The following WWOX variants were observed in gnomAD, a reference collection of about 807,000 sequenced individuals.
The protein encoded by WWOX is WW domain containing oxidoreductase.
A neutral mutation model predicts 46.2 loss-of-function variants in WWOX; 69 were observed. The ratio of observed to expected loss-of-function variants is 1.49; its 90% CI spans 1.23 to 1.82. The LOEUF is 1.82. WWOX is among the 40% of genes most tolerant of loss of function. The pLI is 0.00. For missense variants in WWOX, 919 were observed against 542.6 expected, an observed-to-expected ratio of 1.69 and a Z score of -6.89; for synonymous variants, 359 against 202.6, an observed-to-expected ratio of 1.77 and a Z score of -6.56.
chr16:78,633,523 G>A (rs556650111), intron 8 of WWOX, among the ~76,000 whole-genome samples: 4 of 152,308 alleles, frequency 2.6e-5, no homozygotes, highest in South Asian at 4.1e-4. Context: ...TCTAGCTAAC[G>A]CATGGCAACG....
chr16:78,466,668 A>G (rs2738668), intron 8 of WWOX, among the ~76,000 whole-genome samples: 48,073 of 151,848 alleles, frequency 0.32, 9,720 homozygotes, highest in African/African-American at 0.58. Context: ...TGTCTCTACT[A>G]TAAACTCCGT....
intron 5 of WWOX, among the ~76,000 whole-genome samples, chr16:78,241,013 G>T (rs754236623): frequency 6.6e-6 from 1 of 152,158 alleles, no homozygotes; most frequent in Admixed American, 6.5e-5. Flanking sequence ...CAGTGGGCAT[G>T]TTCCTCACCT....
Position 78,945,869 on chromosome 16 carries a change from C to G in WWOX, c.1057-265739C>G, listed in dbSNP as rs75692576. ...CATCTCGTAGTCACTGGATAAGGAG[C>G]CAGTCCTGGCTCTTCCTTTAACTGC... On this transcript the variant is annotated intron_variant, in intron 8 of 8. Transcript: ENST00000566780. 4.9e-3 allele frequency among the ~76,000 whole-genome samples: 739 copies of G among 152,200 alleles called. 5 individuals are homozygous for G. The highest frequency in any genetic ancestry group is 0.017 in the African/African-American group (692 of 41,536).
chr16:78,427,533 C>T (rs370706937), intron 7 of WWOX, among the ~76,000 whole-genome samples: 5 of 150,712 alleles, frequency 3.3e-5, no homozygotes, highest in South Asian at 2.1e-4. Context: ...CACACATACA[C>T]GCACGCACGC....
At chr16:78,956,849 A>G (rs990829204) in intron 8 of WWOX, among the ~76,000 whole-genome samples, 1 of 152,170 alleles carries the variant, frequency 6.6e-6, no homozygotes, top group Non-Finnish European at 1.5e-5. Context: ...GGAAATTGTG[A>G]AGGAGAGTGT....
chr16:78,775,605 C>G (rs1228017368), intron 8 of WWOX, among the ~76,000 whole-genome samples: 2 of 152,146 alleles, frequency 1.3e-5, no homozygotes, highest in African/African-American at 4.8e-5. Context: ...CCACCTCTCC[C>G]CACAACTTCA....
chr16:78,126,809 G>A lies in WWOX; in HGVS notation c.409+11655G>A, dbSNP rs184217518. Among the ~76,000 whole-genome samples, 309 of 152,270 alleles carry A rather than the reference G, an allele frequency of 2.0e-3. 4 individuals carry two copies. The highest frequency in any genetic ancestry group is 7.0e-3 in the African/African-American group (291 of 41,546). ...GGAATACCCCAAAAAACTTAAACTT[G>A]TCTGGCTTTGCAATGGTGGTGGAGT... On this transcript the variant is annotated intron_variant, in intron 4 of 8. Transcript: ENST00000566780.
chr16:78,847,215 A>T (rs1368009698), intron 8 of WWOX, among the ~76,000 whole-genome samples: 1 of 152,208 alleles, frequency 6.6e-6, no homozygotes, highest in South Asian at 2.1e-4. Context: ...AGTTGCGCTC[A>T]TTACTGCTGG....
At chr16:78,283,173 G>A (rs2079709521) in intron 5 of WWOX, among the ~76,000 whole-genome samples, 1 of 151,924 alleles carries the variant, frequency 6.6e-6, no homozygotes, top group African/African-American at 2.4e-5. Flanking sequence ...GGAGAATCTG[G>A]GTTGAGGAGG....
At chr16:78,712,014 C>CG (rs1567508486) in intron 8 of WWOX, among the ~76,000 whole-genome samples, 1 of 152,164 alleles carries the variant, frequency 6.6e-6, no homozygotes, top group Non-Finnish European at 1.5e-5. Context: ...GAAGCCCCAA[C>CG]GTCCTCCCAA....
chr16:79,068,679 T>C (rs1405014441), intron 8 of WWOX, among the ~76,000 whole-genome samples: 1 of 150,280 alleles, frequency 6.7e-6, no homozygotes, highest in Non-Finnish European at 1.5e-5. Context: ...GGCGTGGGGG[T>C]GCATGCCTGT....
chr16:78,147,030 G>C (rs1361839946), intron 4 of WWOX, among the ~76,000 whole-genome samples: 1 of 152,066 alleles, frequency 6.6e-6, no homozygotes, highest in African/African-American at 2.4e-5. Context: ...TTTTTTTAAA[G>C]ACCAAAACAA....
At chr16:78,848,993 A>G (rs1414738705) in intron 8 of WWOX, among the ~76,000 whole-genome samples, 2 of 152,190 alleles carry the variant, frequency 1.3e-5, no homozygotes, top group African/African-American at 2.4e-5. Context: ...GATGACTCGC[A>G]AAGACATAGT....
chr16:78,786,513 G>C (rs969412872), intron 8 of WWOX, among the ~76,000 whole-genome samples: 3 of 152,144 alleles, frequency 2.0e-5, no homozygotes, highest in African/African-American at 7.2e-5. Flanking sequence ...TTATTTAATA[G>C]TAACCTTATA....
intron 8 of WWOX, among the ~76,000 whole-genome samples, chr16:79,025,405 C>A (rs576401903): frequency 6.6e-6 from 1 of 152,146 alleles, no homozygotes; most frequent in Admixed American, 6.5e-5. Context: ...AAAACGAGGT[C>A]ATCTTGGGTG....
At chr16:78,896,015 A>C (rs2044693127) in intron 8 of WWOX, 1 of 152,204 alleles carries the variant, frequency 6.6e-6, no homozygotes, top group Admixed American at 6.5e-5. Flanking sequence ...AACAGTTCTC[A>C]AACTTTGTTT....
intron 8 of WWOX, among the ~76,000 whole-genome samples, chr16:79,071,706 C>T (rs977303726): frequency 5.3e-5 from 8 of 152,332 alleles, no homozygotes; most frequent in African/African-American, 1.7e-4. Flanking sequence ...ACGTTGTAAA[C>T]GTAGCTTTTT....
At chr16:78,967,873 G>A (rs138704302) in intron 8 of WWOX, among the ~76,000 whole-genome samples, 1 of 152,158 alleles carries the variant, frequency 6.6e-6, no homozygotes, top group Non-Finnish European at 1.5e-5. Flanking sequence ...CAGCCTCCGG[G>A]GCCACATCAG....
At chr16:79,077,646 T>A (rs931856956) in intron 8 of WWOX, 6 of 151,620 alleles carry the variant, frequency 4.0e-5, no homozygotes, top group African/African-American at 1.5e-4. Context: ...TCCCCCCTTT[T>A]TTTTTTTTTT....
Sources: gnomAD v4.1 joint callset for allele counts (sites outside exome capture counted in the v4.1 genomes callset) on GRCh38, gnomAD v4.1.1 for gene constraint, MANE v1.5 for transcripts, NCBI Gene and HGNC (gene_info 2026-07-23, HGNC 2026-07-21) for gene names.